Variants in PAFAH1B2 observed in about 807,000 individuals in gnomAD.
PAFAH1B2 encodes the protein platelet activating factor acetylhydrolase 1b catalytic subunit 2.
PAFAH1B2 carries 8 observed loss-of-function variants against 28.0 expected under a neutral mutation model. The observed-to-expected ratio is 0.29, with a 90% CI of 0.17 to 0.52. The LOEUF is 0.52. Ranked by LOEUF, PAFAH1B2 falls within the 20% of genes least tolerant of loss-of-function variation. PAFAH1B2 has a pLI of 0.97. For missense variants in PAFAH1B2, 190 were observed against 282.6 expected (o/e 0.67, Z 2.35); for synonymous variants, 104 against 103.2 (o/e 1.01, Z -0.05).
intron 1 of PAFAH1B2, among the ~76,000 whole-genome samples, chr11:117,144,685 C>G (rs1399081655): frequency 6.6e-6 from 1 of 152,130 alleles, no homozygotes; most frequent in Non-Finnish European, 1.5e-5. Context: ...CGTTTCTCCT[C>G]AGCCGCCGGC....
intron 3 of PAFAH1B2, among the ~76,000 whole-genome samples, chr11:117,160,640 G>T (rs947486426): frequency 6.6e-6 from 1 of 151,998 alleles, no homozygotes; most frequent in African/African-American, 2.4e-5. Flanking sequence ...TATTTTTAGT[G>T]GAGACGGGGT....
At chr11:117,173,464 T>C (rs1027793051), downstream of PAFAH1B2, among the ~76,000 whole-genome samples, 3 of 152,248 alleles carry the variant, frequency 2.0e-5, no homozygotes, top group Non-Finnish European at 4.4e-5. Flanking sequence ...GTGGTTTGCC[T>C]AAAGCACACA....
downstream of PAFAH1B2, chr11:117,171,712 GAC>G: frequency 1.3e-6 from 2 of 1,535,966 alleles, no homozygotes; most frequent in Non-Finnish European, 1.7e-6. Context: ...CTATCCTGAT[GAC>G]ACACCAGCAA....
chr11:117,163,581 G>A (rs1956426045), intron 4 of PAFAH1B2, among the ~76,000 whole-genome samples, 189 bp from the exon 5 acceptor site: 1 of 151,706 alleles, frequency 6.6e-6, no homozygotes, highest in Non-Finnish European at 1.5e-5. Flanking sequence ...GCTGAGGCAG[G>A]AGAATCACTT....
At chr11:117,145,546 T>G (rs1955983802) in intron 1 of PAFAH1B2, among the ~76,000 whole-genome samples, 1 of 152,188 alleles carries the variant, frequency 6.6e-6, no homozygotes, top group South Asian at 2.1e-4. Context: ...CTGGGCACAT[T>G]GTTCTGACAT....
intron 2 of PAFAH1B2, among the ~76,000 whole-genome samples, chr11:117,152,938 C>T (rs1312622148): frequency 6.6e-6 from 1 of 152,090 alleles, no homozygotes; most frequent in Non-Finnish European, 1.5e-5. Flanking sequence ...TGGTGGCAGG[C>T]GCCTATAGTC....
chr11:117,155,321 A>G (rs962127802), intron 2 of PAFAH1B2, among the ~76,000 whole-genome samples: 1 of 152,270 alleles, frequency 6.6e-6, no homozygotes, highest in African/African-American at 2.4e-5. Flanking sequence ...GTATCAAAAC[A>G]TATTAACCAG....
intron 3 of PAFAH1B2, among the ~76,000 whole-genome samples, chr11:117,160,676 C>T (rs894754378): frequency 2.6e-5 from 4 of 152,042 alleles, no homozygotes; most frequent in Middle Eastern, 6.8e-3. Flanking sequence ...AGGCTGGTCT[C>T]GAACTCTTGG....
chr11:117,169,113 A>G lies in PAFAH1B2; in HGVS notation c.*1414A>G, dbSNP rs1429864247. On this transcript the variant is annotated 3_prime_UTR_variant, in exon 6 of 6. Transcript: ENST00000527958. ...GCCTTATTGGCTTAGTTTTTAAATT[A>G]TCCTCCAAAAATTTTGGGCCTTTTT... 7 of 1,021,558 alleles carry G rather than the reference A, an allele frequency of 6.9e-6. No homozygotes were observed. The highest frequency in any genetic ancestry group is 8.2e-6 in the Non-Finnish European group (7 of 851,484). 63.3% of individuals were successfully genotyped at this position (1,021,558 alleles called of 1,614,324 possible).
chr11:117,176,065 G>A (rs757568082), exon 6 of PAFAH1B2: 15 of 780,262 alleles, frequency 1.9e-5, no homozygotes, highest in East Asian at 2.7e-5. Flanking sequence ...ATTCATATTC[G>A]CCTAGATGTG....
chr11:117,152,288 C>T (rs1466058342), intron 1 of PAFAH1B2, among the ~76,000 whole-genome samples, 153 bp from the exon 2 acceptor site: 5 of 152,220 alleles, frequency 3.3e-5, no homozygotes, highest in Non-Finnish European at 5.9e-5. Flanking sequence ...TTCATCTCTA[C>T]AGAAAGTAAT....
At chr11:117,157,629 G>C (rs1036141743) in intron 2 of PAFAH1B2, among the ~76,000 whole-genome samples, 1 of 152,102 alleles carries the variant, frequency 6.6e-6, no homozygotes, top group African/African-American at 2.4e-5. Context: ...TTTGAGAAAA[G>C]GAAACAGCAT....
chr11:117,147,641 C>T (rs1039505718), intron 1 of PAFAH1B2, among the ~76,000 whole-genome samples: 1 of 152,174 alleles, frequency 6.6e-6, no homozygotes. Flanking sequence ...AAAAATGTTA[C>T]CAAGCCATGG....
intron 1 of PAFAH1B2, among the ~76,000 whole-genome samples, chr11:117,149,521 G>A (rs1176779723): frequency 7.4e-6 from 1 of 134,572 alleles, no homozygotes; most frequent in Non-Finnish European, 1.5e-5. Context: ...CGGCCTCCCA[G>A]GTTCACGCCA....
intron 2 of PAFAH1B2, 143 bp from the exon 3 acceptor site, chr11:117,159,791 A>G (rs1467482538): frequency 8.4e-6 from 5 of 597,892 alleles, no homozygotes; most frequent in Admixed American, 2.9e-5. Flanking sequence ...GGATCTTGAT[A>G]TATTACCCAG....
intron 2 of PAFAH1B2, 27 bp from the exon 3 acceptor site, chr11:117,159,906 TA>T (rs781762636): frequency 1.1e-4 from 167 of 1,488,788 alleles, no homozygotes; most frequent in South Asian, 7.1e-4. Context: ...TGCCAGTTAA[TA>T]ATTTTTTTTT....
At chr11:117,167,389 C>A in intron 5 of PAFAH1B2, 32 bp from the exon 6 acceptor site, 1 of 1,503,908 alleles carries the variant, frequency 6.6e-7, no homozygotes, top group Non-Finnish European at 8.9e-7. Context: ...ATAAGTGAAT[C>A]TTCTAATTTA....
intron 3 of PAFAH1B2, 52 bp from the exon 4 acceptor site, chr11:117,161,093 T>G: frequency 8.6e-7 from 1 of 1,158,262 alleles, no homozygotes; most frequent in East Asian, 2.4e-5. Context: ...AGTCGAAAGA[T>G]TAAACTTTCC....
At chr11:117,171,365 A>C (rs1402779550), downstream of PAFAH1B2, among the ~76,000 whole-genome samples, 3 of 152,162 alleles carry the variant, frequency 2.0e-5, no homozygotes, top group Non-Finnish European at 4.4e-5. Flanking sequence ...GAACTGGGTG[A>C]ATGTCATCAG....
Sources: allele counts gnomAD v4.1 joint callset (sites outside exome capture counted in the v4.1 genomes callset), GRCh38; gene constraint gnomAD v4.1.1; transcripts MANE v1.5; gene names NCBI Gene and HGNC (gene_info 2026-07-23, HGNC 2026-07-21).